Variants in GLYR1 observed in about 807,000 individuals in gnomAD.
The protein encoded by GLYR1 is cytokine-like nuclear factor N-PAC.
GLYR1 carries 21 observed loss-of-function variants against 72.7 expected under a neutral mutation model. The observed-to-expected ratio is 0.29, with a 90% confidence interval of 0.20 to 0.42. The LOEUF is 0.42. GLYR1 is among the 10% of genes least tolerant of loss of function. The pLI is 1.00. For missense variants in GLYR1, 594 were observed against 712.1 expected (o/e 0.83, Z 1.89); for synonymous variants, 392 against 270.2 (o/e 1.45, Z -4.42).
At chr16:4,839,843 A>G (rs1013814423) in intron 3 of GLYR1, 2 of 152,188 alleles carry the variant, frequency 1.3e-5, no homozygotes, top group Non-Finnish European at 2.9e-5. Context: ...AAGTATAACT[A>G]CACTTTTTTT....
chr16:4,834,216 T>C (rs1179917283), intron 3 of GLYR1, among the ~76,000 whole-genome samples: 1 of 151,626 alleles, frequency 6.6e-6, no homozygotes, highest in East Asian at 1.9e-4. Flanking sequence ...CATGCCACCA[T>C]GGCTAAGTGA....
intron 7 of GLYR1, 42 bp from the exon 8 acceptor site, chr16:4,821,639 G>T (rs1248275253): frequency 1.3e-6 from 2 of 1,570,002 alleles, no homozygotes; most frequent in Admixed American, 1.7e-5. Context: ...GCTACTGCAG[G>T]CTTAACCAGT....
chr16:4,811,367 G>A, intron 14 of GLYR1, 73 bp from the exon 15 acceptor site: 5 of 1,586,458 alleles, frequency 3.2e-6, no homozygotes, highest in South Asian at 1.1e-5. Context: ...TCCACCAGGT[G>A]TCAGTACCTA....
intron 3 of GLYR1, chr16:4,843,347 G>A (rs2085703868): frequency 4.3e-6 from 2 of 461,862 alleles, no homozygotes; most frequent in Admixed American, 4.8e-5. Context: ...TAGAGACGGG[G>A]TTTTGCCATG....
intron 3 of GLYR1, among the ~76,000 whole-genome samples, chr16:4,838,224 G>A (rs1435860791): frequency 6.6e-6 from 1 of 152,148 alleles, no homozygotes; most frequent in African/African-American, 2.4e-5. Flanking sequence ...AAGCTGCTAT[G>A]CTTCTAATTA....
chr16:4,807,767 T>G (rs1056343575), intron 15 of GLYR1, among the ~76,000 whole-genome samples: 1 of 152,186 alleles, frequency 6.6e-6, no homozygotes, highest in Non-Finnish European at 1.5e-5. Context: ...GAAATAACTA[T>G]AGTCAGAAAT....
chr16:4,807,304 G>C (rs555549943), intron 15 of GLYR1, among the ~76,000 whole-genome samples: 1 of 151,418 alleles, frequency 6.6e-6, no homozygotes, highest in South Asian at 2.1e-4. Context: ...GTAGAGACTG[G>C]GCTTCACTAT....
At chr16:4,830,637 C>T (rs1156412333) in intron 5 of GLYR1, among the ~76,000 whole-genome samples, 1 of 152,212 alleles carries the variant, frequency 6.6e-6, no homozygotes, top group Non-Finnish European at 1.5e-5. Flanking sequence ...CCAACTGTTG[C>T]TGCCAGCCAT....
intron 5 of GLYR1, among the ~76,000 whole-genome samples, chr16:4,825,262 C>T (rs2084305163): frequency 6.6e-6 from 1 of 152,194 alleles, no homozygotes; most frequent in African/African-American, 2.4e-5. Context: ...TGCCGTCTCC[C>T]ACCCATCCCA....
chr16:4,814,946 G>A (rs940522075), intron 10 of GLYR1, among the ~76,000 whole-genome samples: 1 of 152,126 alleles, frequency 6.6e-6, no homozygotes, highest in Non-Finnish European at 1.5e-5. Context: ...CCCAGCCCCC[G>A]CTGTGCTGTC....
rs142557580 is a variant in GLYR1 at position 4,808,906 on chromosome 16, C to T, written c.1587+2264G>A. Among the ~76,000 whole-genome samples, 1,516 of 152,108 alleles carry T rather than the reference C, an allele frequency of 1.0e-2. 13 individuals are homozygous for T. The highest frequency in any genetic ancestry group is 0.034 in the Middle Eastern group (10 of 292). ...GCTTGAGCCTAGGAAGTCAAGGCTG[C>T]AGTGAGCTATAATTGTGCCACTGCA... On this transcript the variant is annotated intron_variant, in intron 15 of 15. Coordinates refer to ENST00000321919, the MANE Select transcript of GLYR1 (RefSeq NM_032569.4).
chr16:4,813,111 C>T (rs2005614), intron 12 of GLYR1, among the ~76,000 whole-genome samples: 10,461 of 152,074 alleles, frequency 0.069, 456 homozygotes, highest in Middle Eastern at 0.16. Flanking sequence ...TACAGGTGCC[C>T]GCCACCGCGT....
chr16:4,813,389 C>T (rs993698491), intron 12 of GLYR1, among the ~76,000 whole-genome samples: 13 of 152,302 alleles, frequency 8.5e-5, no homozygotes, highest in African/African-American at 3.1e-4. Context: ...GTCCCCACTC[C>T]CTTATTTGGG....
At chr16:4,811,111 A>G (rs982928851) in intron 15 of GLYR1, 59 bp downstream of exon 15, 19 of 1,569,908 alleles carry the variant, frequency 1.2e-5, no homozygotes, top group Non-Finnish European at 2.6e-6. Context: ...TTAAAAAAAA[A>G]AAAAAAAGAA....
At chr16:4,846,131 A>G in intron 2 of GLYR1, 43 bp downstream of exon 2, 1 of 1,610,072 alleles carries the variant, frequency 6.2e-7, no homozygotes, top group East Asian at 2.2e-5. Flanking sequence ...CCACCTCTTC[A>G]AACCCAACTT....
chr16:4,824,479 A>G (rs888858684), intron 5 of GLYR1, among the ~76,000 whole-genome samples: 6 of 148,694 alleles, frequency 4.0e-5, no homozygotes, highest in Non-Finnish European at 8.9e-5. Flanking sequence ...CAGCCTGGAG[A>G]CAGAGCAAGA....
chr16:4,825,993 C>A (rs964280298), intron 5 of GLYR1, among the ~76,000 whole-genome samples: 2 of 152,134 alleles, frequency 1.3e-5, no homozygotes, highest in African/African-American at 4.8e-5. Flanking sequence ...CTAAGGCACA[C>A]AGAGCTTAAG....
intron 1 of GLYR1, 95 bp downstream of exon 1, chr16:4,847,133 C>A (rs2086202596): frequency 9.5e-6 from 11 of 1,155,042 alleles, no homozygotes; most frequent in Admixed American, 2.0e-5. Context: ...CGACCTGGAG[C>A]GCATAAAAAG....
intron 5 of GLYR1, among the ~76,000 whole-genome samples, chr16:4,825,337 T>C (rs1239959801): frequency 1.3e-5 from 2 of 152,102 alleles, no homozygotes; most frequent in Admixed American, 6.6e-5. Context: ...GTTAGCACCC[T>C]GCTGGCTTTC....
Sources: allele counts gnomAD v4.1 joint callset (sites outside exome capture counted in the v4.1 genomes callset), GRCh38; gene constraint gnomAD v4.1.1; transcripts MANE v1.5; gene names NCBI Gene and HGNC (gene_info 2026-07-23, HGNC 2026-07-21).